The following MIPOL1 variants were observed in gnomAD, a reference collection of about 807,000 sequenced individuals.
MIPOL1 encodes the protein mirror-image polydactyly 1, also known as mirror-image polydactyly gene 1 protein.
In MIPOL1, 57 loss-of-function variants were observed where a neutral mutation model predicts 60.9. The observed-to-expected ratio is 0.94, with a 90% CI of 0.76 to 1.17. MIPOL1 has a LOEUF of 1.17. Ranked by LOEUF, MIPOL1 falls within the 50% of genes most tolerant of loss-of-function variation. The pLI is 0.00. For missense variants in MIPOL1, 551 were observed against 511.6 expected (o/e 1.08, Z -0.74); for synonymous variants, 179 against 168.8 (o/e 1.06, Z -0.47).
chr14:37,459,266 G>A (rs1385658840), intron 11 of MIPOL1, among the ~76,000 whole-genome samples: 3 of 151,934 alleles, frequency 2.0e-5, no homozygotes, highest in African/African-American at 7.2e-5. Context: ...ATTGATAAAC[G>A]ACTAGCTAGA....
intron 11 of MIPOL1, among the ~76,000 whole-genome samples, chr14:37,487,178 A>G (rs2153602776): frequency 6.6e-6 from 1 of 152,234 alleles, no homozygotes; most frequent in East Asian, 1.9e-4. Flanking sequence ...CATCCCAGGG[A>G]TGAAGCCGAC....
At chr14:37,370,510 A>G (rs2092610335) in intron 10 of MIPOL1, among the ~76,000 whole-genome samples, 1 of 152,200 alleles carries the variant, frequency 6.6e-6, no homozygotes, top group African/African-American at 2.4e-5. Context: ...TTTGCTGCAT[A>G]TTACAGAGCA....
intron 1 of MIPOL1, among the ~76,000 whole-genome samples, chr14:37,224,264 G>A (rs1969321015): frequency 6.6e-6 from 1 of 152,124 alleles, no homozygotes; most frequent in Admixed American, 6.5e-5. Flanking sequence ...AGGATTGCTT[G>A]AACCCAGCAG....
chr14:37,331,144 C>T (rs1171989584), intron 9 of MIPOL1, among the ~76,000 whole-genome samples: 1 of 151,510 alleles, frequency 6.6e-6, no homozygotes, highest in African/African-American at 2.4e-5. Flanking sequence ...AGCTTTGTAG[C>T]ATAATTTGAA....
intron 7 of MIPOL1, among the ~76,000 whole-genome samples, chr14:37,290,898 G>GT (rs2084996341): frequency 1.3e-5 from 2 of 152,114 alleles, no homozygotes; most frequent in Admixed American, 6.6e-5. Flanking sequence ...AGTGTTTGTT[G>GT]TTCCACAGTA....
intron 11 of MIPOL1, among the ~76,000 whole-genome samples, chr14:37,462,009 C>T (rs141900373): frequency 1.8e-4 from 27 of 152,322 alleles, no homozygotes; most frequent in African/African-American, 6.3e-4. Flanking sequence ...AGATGGTGCC[C>T]TAGTAGAGAC....
chr14:37,303,444 A>G (rs948734041), intron 7 of MIPOL1, among the ~76,000 whole-genome samples: 1 of 151,864 alleles, frequency 6.6e-6, no homozygotes, highest in Non-Finnish European at 1.5e-5. Context: ...GATTAAACTG[A>G]TCTTTTATTT....
At chr14:37,212,475 G>A (rs1281714036) in intron 1 of MIPOL1, 1 of 152,278 alleles carries the variant, frequency 6.6e-6, no homozygotes, top group Non-Finnish European at 1.5e-5. Flanking sequence ...GTGGCTACGG[G>A]GTAAGGCGCC....
chr14:37,233,113 G>GT (rs1970888270), intron 1 of MIPOL1, among the ~76,000 whole-genome samples: 1 of 152,146 alleles, frequency 6.6e-6, no homozygotes, highest in Non-Finnish European at 1.5e-5. Flanking sequence ...GGTAACACGT[G>GT]TATTTTATTG....
At chr14:37,459,637 G>A (rs867300496) in intron 11 of MIPOL1, among the ~76,000 whole-genome samples, 113 of 152,286 alleles carry the variant, frequency 7.4e-4, no homozygotes, top group African/African-American at 2.6e-3. Context: ...CTAAAAAATT[G>A]AAGAGGAGGG....
At chr14:37,341,473 A>G (rs189437625) in intron 9 of MIPOL1, among the ~76,000 whole-genome samples, 3 of 152,334 alleles carry the variant, frequency 2.0e-5, no homozygotes, top group African/African-American at 7.2e-5. Context: ...GAATGAAGGA[A>G]CTGGGTTAAA....
intron 10 of MIPOL1, among the ~76,000 whole-genome samples, chr14:37,409,522 T>TCA (rs1211955612): frequency 5.9e-5 from 9 of 152,186 alleles, no homozygotes; most frequent in Non-Finnish European, 8.8e-5. Flanking sequence ...GCGCAGTGGC[T>TCA]CACACCTGTA....
intron 11 of MIPOL1, among the ~76,000 whole-genome samples, chr14:37,445,958 A>C (rs1341777124): frequency 6.6e-6 from 1 of 152,142 alleles, no homozygotes; most frequent in Admixed American, 6.5e-5. Flanking sequence ...TAGACCTAAA[A>C]CCATAAAAAC....
chr14:37,533,978 C>G (rs1024101271), intron 12 of MIPOL1, among the ~76,000 whole-genome samples: 3 of 150,822 alleles, frequency 2.0e-5, no homozygotes, highest in African/African-American at 7.4e-5. Context: ...ATCTCAGCTA[C>G]TTGGGAGGCT....
At chr14:37,290,834 G>C (rs1166564648) in intron 7 of MIPOL1, among the ~76,000 whole-genome samples, 1 of 152,080 alleles carries the variant, frequency 6.6e-6, no homozygotes, top group Non-Finnish European at 1.5e-5. Flanking sequence ...GTATCCATTA[G>C]TTATTTTTCC....
chr14:37,457,566 A>G (rs1157249485), intron 11 of MIPOL1, among the ~76,000 whole-genome samples: 1 of 152,166 alleles, frequency 6.6e-6, no homozygotes, highest in African/African-American at 2.4e-5. Context: ...GCAAGTTTCT[A>G]TTTAGCACTA....
intron 9 of MIPOL1, among the ~76,000 whole-genome samples, chr14:37,363,386 T>C (rs990502389): frequency 1.3e-5 from 2 of 152,158 alleles, no homozygotes; most frequent in Admixed American, 6.5e-5. Context: ...TGCAGGTCCA[T>C]TGGAGTTTGC....
At chr14:37,496,138 T>C (rs1336966361) in intron 11 of MIPOL1, among the ~76,000 whole-genome samples, 1 of 151,752 alleles carries the variant, frequency 6.6e-6, no homozygotes, top group Non-Finnish European at 1.5e-5. Context: ...TTAGGTATTG[T>C]TGGGACGTAT....
At chr14:37,461,526 C>T (rs191568567) in intron 11 of MIPOL1, among the ~76,000 whole-genome samples, 2 of 152,260 alleles carry the variant, frequency 1.3e-5, no homozygotes, top group East Asian at 1.9e-4. Flanking sequence ...CCCTGGCCCC[C>T]TCCCAAATCT....
Sources: allele counts gnomAD v4.1 joint callset (sites outside exome capture counted in the v4.1 genomes callset), GRCh38; gene constraint gnomAD v4.1.1; transcripts MANE v1.5; gene names NCBI Gene and HGNC (gene_info 2026-07-23, HGNC 2026-07-21).